Variants in SNRNP200 observed in about 807,000 individuals in gnomAD.
SNRNP200 encodes small nuclear ribonucleoprotein U5 subunit 200.
A neutral mutation model predicts 255.2 loss-of-function variants in SNRNP200; 66 were observed. The observed-to-expected ratio is 0.26, with a 90% CI of 0.21 to 0.32. SNRNP200 has a LOEUF of 0.32. Ranked by LOEUF, SNRNP200 falls within the 10% of genes least tolerant of loss-of-function variation. The pLI, the probability that SNRNP200 is intolerant of heterozygous loss-of-function variation, is 1.00. For synonymous variants in SNRNP200, 939 were observed against 1,027.8 expected (o/e 0.91, Z 1.65); for missense variants, 1,585 against 2,749.8 (o/e 0.58, Z 9.47).
At position 96,288,740 on chromosome 2, in the gene SNRNP200, C is replaced by T. The variant is rs758609711; in HGVS notation, c.3181G>A (p.Val1061Ile). ...SIEEPSAKIN[V>I]LLQAFISQLK... ...TGTGAGATGAAGGCTTGCAGAAGAA[C>T]GTTGATCTGTAAAGAAGCAAAATCA... Residue 1061 changes from valine to isoleucine, a missense_variant, in exon 24 of 45, where the codon GTT (valine) becomes ATT (isoleucine). Val to Ile is a conservative substitution (Grantham distance 29). Transcript: ENST00000323853. The T allele has an allele frequency of 5.6e-6, 9 of 1,613,922 alleles. No homozygotes were observed. Among genetic ancestry groups the T allele is most frequent in the South Asian group, 3.3e-5 (3 of 91,084 alleles).
Position 96,278,260 on chromosome 2 carries a change from G to T in SNRNP200, c.5587C>A (p.His1863Asn). Residue 1863 changes from histidine (H) to asparagine (N), a missense_variant, in exon 39 of 45, where the codon CAT (histidine) becomes AAT (asparagine). By Grantham distance (68) the His-to-Asn change is moderately conservative. Coordinates refer to ENST00000323853, the MANE Select transcript of SNRNP200 (RefSeq NM_014014.5). The surrounding 1 kb of genome is among the most constrained non-coding windows in gnomAD (Gnocchi z 6.9). ...ACCTGCCTCAGGAGATTGTCTTCAT[G>T]GTGCCGGATGGGAATGTTCTCATAC... ...AEYENIPIRH[H>N]EDNLLRQLAQ... 1 of 1,614,208 alleles carries T rather than the reference G, an allele frequency of 6.2e-7. No individual in the cohort carries two copies. The highest frequency in any genetic ancestry group is 8.5e-7 in the Non-Finnish European group (1 of 1,180,042).
chr2:96,284,676 T>C, intron 30 of SNRNP200, 91 bp from the exon 31 acceptor site: 1 of 864,060 alleles, frequency 1.2e-6, no homozygotes, highest in Non-Finnish European at 2.0e-6. Context: ...CAAACAGACC[T>C]GTTGACCTGC....
chr2:96,298,413 G>A lies in SNRNP200; in HGVS notation c.990C>T (p.Tyr330=), dbSNP rs1310212091. 6.2e-7 allele frequency: 1 copy of A among 1,614,030 alleles called. No individual in the cohort carries two copies. Among genetic ancestry groups the A allele is most frequent in the Non-Finnish European group, 8.5e-7 (1 of 1,180,014 alleles). Residue 330 remains tyrosine (Y), a synonymous_variant, in exon 9 of 45, where the codon TAC becomes TAT. Coordinates refer to ENST00000323853, the MANE Select transcript of SNRNP200 (RefSeq NM_014014.5). ...TTTGTGCACTGGCCAGCAAGGTACA[G>A]TATAAAACTACCCACAACAAAAGGA... ...VLRQHRMMIL[Y]CTLLASAQSE...
chr2:96,297,136 A>G (rs2063922064), intron 11 of SNRNP200, 66 bp from the exon 12 acceptor site: 3 of 1,610,772 alleles, frequency 1.9e-6, no homozygotes, highest in South Asian at 1.1e-5. Flanking sequence ...TTATTGTGGG[A>G]TTGCCAGGAT....
chr2:96,282,142 G>A (rs1295841322), intron 34 of SNRNP200: 4 of 533,716 alleles, frequency 7.5e-6, no homozygotes, highest in Middle Eastern at 4.1e-4. Flanking sequence ...GAGAAAACAA[G>A]TCATCATAGA....
chr2:96,279,272 A>G (rs1684720575), intron 36 of SNRNP200, 179 bp downstream of exon 36: 1 of 671,688 alleles, frequency 1.5e-6, no homozygotes, highest in Non-Finnish European at 2.6e-6. Flanking sequence ...CAACGGCAGC[A>G]GCAAAAGCAA....
chr2:96,285,038 C>T (rs868330923), intron 30 of SNRNP200, 142 bp downstream of exon 30: 4 of 1,003,812 alleles, frequency 4.0e-6, no homozygotes, highest in Middle Eastern at 4.0e-4. Context: ...GCGTGAGCCA[C>T]CACGCTTGGC....
rs778587692 is a variant in SNRNP200, at chr2:96,283,867, G to T, written c.4530C>A (p.Ser1510=). The T allele has an allele frequency of 5.0e-6, 8 of 1,596,642 alleles. No homozygotes were observed. Among genetic ancestry groups the T allele is most frequent in the Non-Finnish European group, 6.0e-6 (7 of 1,171,560 alleles). ...GCACATTGGGATGGAAGTTGAAGGT[G>T]GAGGTGGCACTGCAGCCCAGCCAGT... ...VAHWLGCSAT[S]TFNFHPNVRP... The change falls in exon 32 of 45, where the codon TCC becomes TCA. Residue 1510 remains serine (S), a synonymous_variant. Transcript: ENST00000323853. This position sits in a 1 kb window ranked among gnomAD's most constrained non-coding sequence, Gnocchi z 4.7.
At chr2:96,303,374 C>A in intron 2 of SNRNP200, 44 bp from the exon 3 acceptor site, 1 of 1,611,662 alleles carries the variant, frequency 6.2e-7, no homozygotes, top group Non-Finnish European at 8.5e-7. Context: ...AACCTTTCGT[C>A]CCCAAGGGAA....
Position 96,289,879 on chromosome 2 carries a change from G to C in SNRNP200, c.2860C>G (p.Leu954Val). Residue 954 changes from leucine to valine, a missense_variant, in exon 21 of 45, where the codon CTA (leucine) becomes GTA (valine). Physicochemically the swap from Leu to Val is conservative, Grantham distance 32. Transcript: ENST00000323853. ...AGGGCAGCTGTATGAACCAGATCTA[G>C]TCGGCGCTGGTCCAGCAGGGGATCT... ...KGDPLLDQRR[L>V]DLVHTAALML... 1 of 1,614,182 alleles carries C rather than the reference G, an allele frequency of 6.2e-7. No individual in the cohort carries two copies. The highest frequency in any genetic ancestry group is 8.5e-7 in the Non-Finnish European group (1 of 1,180,010).
rs567791805 is a variant in SNRNP200 at position 96,296,817 on chromosome 2, C to T, written c.1515+116G>A. On this transcript the variant is annotated intron_variant, in intron 12 of 44. Transcript: ENST00000323853. ...TGGGCACTTTATCCTACTATTTAACCTCTCTTCCATCAAAGGACAAAGAAT... is the reference window on the plus strand; with the variant it reads ...TGGGCACTTTATCCTACTATTTAACTTCTCTTCCATCAAAGGACAAAGAAT... The T allele has an allele frequency of 4.9e-5, 76 of 1,537,756 alleles. No individual in the cohort carries two copies. The South Asian group carries it at 7.8e-4, about 16-fold the overall frequency.
chr2:96,285,104 G>GC (rs1440909426), intron 30 of SNRNP200, 76 bp downstream of exon 30: 52 of 1,548,110 alleles, frequency 3.4e-5, no homozygotes, highest in Admixed American at 1.0e-4. Context: ...AAATTTCAGG[G>GC]CTTAGAAAGC....
At chr2:96,284,056 T>C (rs1438955052) in intron 31 of SNRNP200, 52 bp from the exon 32 acceptor site, 4 of 1,509,730 alleles carry the variant, frequency 2.6e-6, no homozygotes, top group Non-Finnish European at 3.6e-6. Flanking sequence ...TCCCATCCTC[T>C]GCCTGGAGGT....
In SNRNP200 at chr2:96,295,970, C is replaced by CA. The variant is rs1436286018; in HGVS notation, c.1672-313dup. ...AGACCATGGTGAAACCCTGTCTCTA[C>CA]AAAAAATATAAAAATTAGCTAATCT... On this transcript the variant is annotated intron_variant, in intron 13 of 44. Transcript: ENST00000323853. Among the ~76,000 whole-genome samples, 5 of 152,048 alleles carry CA rather than the reference C, an allele frequency of 3.3e-5. No individual in the cohort carries two copies. In the East Asian group the frequency reaches 7.7e-4, roughly 24 times the overall value.
Position 96,287,824 on chromosome 2 carries a change from C to G in SNRNP200, c.3365+39G>C. 1 of 1,567,632 alleles carries G rather than the reference C, an allele frequency of 6.4e-7. No individual in the cohort carries two copies. The highest frequency in any genetic ancestry group is 8.8e-7 in the Non-Finnish European group (1 of 1,137,582). The stretch of plus-strand genomic sequence containing the variant: ...ATCAGACCCTTGGGTTGGGGACCCC[C>G]ACTCATGGTGACCAGCATCCAGCTC... On this transcript the variant is annotated intron_variant, in intron 25 of 44. Transcript: ENST00000323853. This position sits in a 1 kb window ranked among gnomAD's most constrained non-coding sequence, Gnocchi z 5.7.
intron 24 of SNRNP200, 53 bp from the exon 25 acceptor site, chr2:96,288,022 C>G: frequency 6.6e-7 from 1 of 1,515,754 alleles, no homozygotes; most frequent in South Asian, 1.1e-5. Context: ...CCCCAGGCCT[C>G]ATGAGCCACT....
chr2:96,298,368 C>T lies in SNRNP200; in HGVS notation c.1035G>A (p.Arg345=), dbSNP rs1444512036. ...ASAQSEAEKE[R]IMGKMEADPE... Reference sequence around the variant, plus strand: ...GGTCAGCTTCCATCTTTCCCATAATCCTTTCCTTTTCAGCTTCACTTTGTG... The same window carrying T: ...GGTCAGCTTCCATCTTTCCCATAATTCTTTCCTTTTCAGCTTCACTTTGTG... The change falls in exon 9 of 45, where the codon AGG becomes AGA. Residue 345 remains arginine, a synonymous_variant. Coordinates refer to ENST00000323853, the MANE Select transcript of SNRNP200 (RefSeq NM_014014.5). The T allele has an allele frequency of 4.3e-6, 7 of 1,614,170 alleles. No homozygotes were observed. The highest frequency in any genetic ancestry group is 5.9e-6 in the Non-Finnish European group (7 of 1,180,052).
chr2:96,293,169 C>T (rs1178633811), intron 15 of SNRNP200, 74 bp from the exon 16 acceptor site: 2 of 1,598,938 alleles, frequency 1.3e-6, no homozygotes, highest in African/African-American at 1.3e-5. Context: ...TTTTCACTGC[C>T]CCAAGAGCAA....
At chr2:96,275,972 G>C (rs1397184290) in intron 43 of SNRNP200, among the ~76,000 whole-genome samples, 1 of 152,156 alleles carries the variant, frequency 6.6e-6, no homozygotes, top group Non-Finnish European at 1.5e-5. Flanking sequence ...CGCCACTGCA[G>C]TCCAGCCTGG....
Sources: allele counts gnomAD v4.1 joint callset (sites outside exome capture counted in the v4.1 genomes callset), GRCh38; gene constraint gnomAD v4.1.1; non-coding constraint Gnocchi (gnomAD v3.1); transcripts MANE v1.5; gene names NCBI Gene and HGNC (gene_info 2026-07-23, HGNC 2026-07-21).